Variants in PDE6A observed in about 807,000 individuals in gnomAD.
PDE6A encodes rod cGMP-specific 3',5'-cyclic phosphodiesterase subunit alpha.
PDE6A carries 84 observed loss-of-function variants against 106.3 expected under a neutral mutation model. The ratio of observed to expected loss-of-function variants is 0.79; its 90% CI spans 0.66 to 0.95. The LOEUF is 0.95. Ranked by LOEUF, PDE6A falls within the 40% of genes least tolerant of loss-of-function variation. The pLI is 0.00. For synonymous variants in PDE6A, 394 were observed against 386.6 expected (o/e 1.02, Z -0.23); for missense variants, 1,052 against 1,084.9 (o/e 0.97, Z 0.43).
At chr5:149,868,647 T>C (rs1179733954) in intron 17 of PDE6A, among the ~76,000 whole-genome samples, 1 of 152,216 alleles carries the variant, frequency 6.6e-6, no homozygotes, top group African/African-American at 2.4e-5. Context: ...CTCAACTTTT[T>C]TTCTCATCAT....
chr5:149,930,944 A>G (rs1461976793), intron 4 of PDE6A, 84 bp downstream of exon 4: 7 of 1,392,208 alleles, frequency 5.0e-6, no homozygotes, highest in African/African-American at 2.8e-5. Context: ...CCCCCGTGCA[A>G]TTGAATGTGT....
At chr5:149,921,607 C>A (rs759347600) in intron 5 of PDE6A, 28 bp downstream of exon 5, 1 of 1,563,966 alleles carries the variant, frequency 6.4e-7, no homozygotes, top group Non-Finnish European at 8.8e-7. Context: ...TATATTAAAT[C>A]ATACTGAAAA....
At chr5:149,874,999 T>A (rs1188624285) in intron 17 of PDE6A, among the ~76,000 whole-genome samples, 1 of 151,892 alleles carries the variant, frequency 6.6e-6, no homozygotes. Context: ...CTGCTTGAGG[T>A]CACACCACCA....
intron 7 of PDE6A, among the ~76,000 whole-genome samples, chr5:149,906,657 T>TACAC (rs1257371555): frequency 6.6e-6 from 1 of 152,028 alleles, no homozygotes; most frequent in Non-Finnish European, 1.5e-5. Flanking sequence ...CACTTAACCA[T>TACAC]ACACAGCACA....
intron 4 of PDE6A, among the ~76,000 whole-genome samples, chr5:149,924,431 A>G (rs1465393): frequency 0.044 from 6,598 of 149,252 alleles, 481 homozygotes; most frequent in African/African-American, 0.15. Flanking sequence ...ATATTTAGTT[A>G]TAAGAATATT....
intron 20 of PDE6A, among the ~76,000 whole-genome samples, chr5:149,864,910 A>G (rs1760270236): frequency 6.6e-6 from 1 of 152,190 alleles, no homozygotes. Flanking sequence ...CACTTAGCCC[A>G]GTCTCCCTTA....
rs769826032 is a variant in PDE6A, at chr5:149,908,686, GTTCCTTAAATACTACTTTTACT to G, written c.999-1330_999-1309del. 6.6e-3 allele frequency among the ~76,000 whole-genome samples: 1,003 copies of G among 151,484 alleles called. 32 individuals are homozygous for G. The highest frequency in any genetic ancestry group is 0.044 in the Admixed American group (673 of 15,196). On this transcript the variant is annotated intron_variant, in intron 6 of 21. Coordinates refer to ENST00000255266, the MANE Select transcript of PDE6A (RefSeq NM_000440.3). ...TTAAATTTACTTTTACTCATTTTTT[GTTCCTTAAATACTACTTTTACT>G]CATTTTTGTTCCTTAAATATTAATT...
chr5:149,937,752 A>G (rs766718608), intron 1 of PDE6A, among the ~76,000 whole-genome samples: 3 of 152,196 alleles, frequency 2.0e-5, no homozygotes, highest in Non-Finnish European at 2.9e-5. Context: ...AAACATTCAC[A>G]GTGCCAAGCT....
At chr5:149,874,634 C>T (rs78786472) in intron 17 of PDE6A, among the ~76,000 whole-genome samples, 2,017 of 152,198 alleles carry the variant, frequency 0.013, 21 homozygotes, top group South Asian at 0.037. Flanking sequence ...CAGCCTCTTC[C>T]CTCCCCGGAG....
intron 1 of PDE6A, among the ~76,000 whole-genome samples, chr5:149,942,166 T>C (rs535014096): frequency 6.2e-4 from 95 of 152,338 alleles, no homozygotes; most frequent in African/African-American, 2.1e-3. Context: ...CCTCCCTGTG[T>C]TGCCCAGCCT....
chr5:149,921,445 T>G (rs1260209065), intron 5 of PDE6A, among the ~76,000 whole-genome samples, 190 bp downstream of exon 5: 1 of 152,032 alleles, frequency 6.6e-6, no homozygotes, highest in Non-Finnish European at 1.5e-5. Context: ...TTACTTTTTT[T>G]CTCTCTGTTG....
chr5:149,915,984 T>G (rs1360169145), intron 5 of PDE6A, among the ~76,000 whole-genome samples: 3 of 152,204 alleles, frequency 2.0e-5, no homozygotes, highest in Admixed American at 6.5e-5. Flanking sequence ...TTCTCTTTTT[T>G]CTTTTAAACA....
At chr5:149,897,189 T>C (rs1417406684) in intron 10 of PDE6A, among the ~76,000 whole-genome samples, 1 of 152,270 alleles carries the variant, frequency 6.6e-6, no homozygotes, top group Non-Finnish European at 1.5e-5. Flanking sequence ...GATAGTTTCA[T>C]TGTTACTATT....
At chr5:149,886,133 T>C in intron 14 of PDE6A, 132 bp downstream of exon 14, 2 of 721,752 alleles carry the variant, frequency 2.8e-6, no homozygotes, top group South Asian at 1.5e-5. Context: ...GAGACCCGGA[T>C]CCCAAGGGCA....
At chr5:149,885,977 T>C (rs868395030) in intron 14 of PDE6A, among the ~76,000 whole-genome samples, 13 of 152,300 alleles carry the variant, frequency 8.5e-5, no homozygotes, top group Non-Finnish European at 1.0e-4. Flanking sequence ...TGGGGCCCAC[T>C]CGAATGAATA....
chr5:149,895,767 C>CTG (rs768366395), intron 12 of PDE6A, among the ~76,000 whole-genome samples: 1 of 150,652 alleles, frequency 6.6e-6, no homozygotes, highest in African/African-American at 2.4e-5. Flanking sequence ...GTGTGTGTGT[C>CTG]TGTGTGTGTG....
At chr5:149,921,924 T>A (rs907742431) in intron 4 of PDE6A, among the ~76,000 whole-genome samples, 1 of 152,160 alleles carries the variant, frequency 6.6e-6, no homozygotes, top group African/African-American at 2.4e-5. Flanking sequence ...TGTCTAGTCA[T>A]TAGCCAAAAA....
At chr5:149,911,399 G>A (rs1753382238) in intron 6 of PDE6A, among the ~76,000 whole-genome samples, 1 of 151,992 alleles carries the variant, frequency 6.6e-6, no homozygotes, top group Admixed American at 6.6e-5. Context: ...CAACTCATTG[G>A]AACACTTACT....
At chr5:149,877,760 T>C (rs910902402) in intron 17 of PDE6A, among the ~76,000 whole-genome samples, 2 of 152,202 alleles carry the variant, frequency 1.3e-5, no homozygotes, top group Non-Finnish European at 2.9e-5. Context: ...ACACCACCAG[T>C]ATGGTGGACT....
Sources: allele counts gnomAD v4.1 joint callset (sites outside exome capture counted in the v4.1 genomes callset), GRCh38; gene constraint gnomAD v4.1.1; transcripts MANE v1.5; gene names NCBI Gene and HGNC (gene_info 2026-07-23, HGNC 2026-07-21).